The following SGPL1 variants were observed in gnomAD, a reference collection of about 807,000 sequenced individuals.
SGPL1 encodes the protein sphingosine-1-phosphate lyase 1, also known as SP-lyase 1.
In SGPL1, 37 loss-of-function variants were observed where a neutral mutation model predicts 68.9. That is an observed-to-expected ratio of 0.54 (90% confidence interval 0.41 to 0.71). The LOEUF (loss-of-function observed/expected upper bound fraction) is 0.71, where lower values mean the gene tolerates loss of function less well. Among genes scored for constraint, SGPL1 ranks in the 30% least tolerant of loss-of-function variants. The probability of loss-of-function intolerance (pLI) is 0.00; values close to 1 mark genes in which losing one functional copy is unlikely to be tolerated. For synonymous variants in SGPL1, 236 were observed against 248.5 expected (o/e 0.95, Z 0.47); for missense variants, 551 against 704.6 (o/e 0.78, Z 2.47).
intron 2 of SGPL1, among the ~76,000 whole-genome samples, chr10:70,823,462 AT>A (rs35434579): frequency 4.0e-5 from 6 of 151,172 alleles, no homozygotes; most frequent in Non-Finnish European, 8.9e-5. Flanking sequence ...GACAAACACT[AT>A]TTTGTTGAAA....
At chr10:70,836,898 C>T (rs1195974611) in intron 2 of SGPL1, among the ~76,000 whole-genome samples, 1 of 151,904 alleles carries the variant, frequency 6.6e-6, no homozygotes, top group Non-Finnish European at 1.5e-5. Context: ...ATGGCCTGTA[C>T]ATTCTTAATC....
At position 70,871,908 on chromosome 10, in the gene SGPL1, G is replaced by A; in HGVS notation, c.981G>A (p.Glu327=). Residue 327 remains glutamate, a synonymous_variant, in exon 11 of 15, where the codon GAG becomes GAA. Coordinates refer to ENST00000373202, the MANE Select transcript of SGPL1 (RefSeq NM_003901.4). The part of the protein sequence containing the change: ...CLGGFLIVFM[E]KAGYPLEHPF... The stretch of plus-strand genomic sequence containing the variant: ...GAGGCTTCCTCATCGTCTTTATGGA[G>A]AAAGCAGGATACCCACTGGAGCACC... 1.9e-6 allele frequency: 3 copies of A among 1,614,128 alleles called. No individual in the cohort carries two copies. In the South Asian group the frequency reaches 3.3e-5, roughly 18 times the overall value.
chr10:70,860,594 G>A, intron 7 of SGPL1: 1 of 379,626 alleles, frequency 2.6e-6, no homozygotes, highest in Admixed American at 3.8e-5. Context: ...TCAGAGGGAA[G>A]ATGATAATGT....
intron 2 of SGPL1, among the ~76,000 whole-genome samples, chr10:70,843,040 ACTATC>A (rs1341562152): frequency 1.3e-5 from 2 of 152,206 alleles, no homozygotes; most frequent in Non-Finnish European, 2.9e-5. Flanking sequence ...ATTTGCAGCT[ACTATC>A]CTCTCTTTCT....
At position 70,876,571 on chromosome 10, in the gene SGPL1, C is replaced by T. The variant is rs1439484914; in HGVS notation, c.1476C>T (p.Ala492=). The change falls in exon 14 of 15, where the codon GCC becomes GCT. Residue 492 remains alanine (A), a synonymous_variant. Transcript: ENST00000373202. The part of the protein sequence containing the change: ...SIHFCITLLH[A]RKRVAIQFLK... ...ATTTCTGCATCACATTACTACACGC[C>T]CGGAAACGAGTAGCTATACAATTCC... The T allele has an allele frequency of 2.5e-6, 4 of 1,612,410 alleles. No individual in the cohort carries two copies. The South Asian group carries it at 3.3e-5, about 13-fold the overall frequency.
intron 7 of SGPL1, among the ~76,000 whole-genome samples, chr10:70,864,054 G>A (rs915715634): frequency 1.1e-4 from 16 of 148,006 alleles, no homozygotes; most frequent in Non-Finnish European, 2.2e-4. Context: ...TTTATGTTAG[G>A]TTAGTGATAG....
chr10:70,861,038 T>TG (rs1846043401), intron 7 of SGPL1, among the ~76,000 whole-genome samples: 1 of 151,004 alleles, frequency 6.6e-6, no homozygotes, highest in Non-Finnish European at 1.5e-5. Context: ...TCTTTCCTTT[T>TG]TTTTTTTTTT....
At chr10:70,830,872 T>TGTTGAAGATTTTATTTTACTCC (rs1314729313) in intron 2 of SGPL1, among the ~76,000 whole-genome samples, 2 of 152,158 alleles carry the variant, frequency 1.3e-5, no homozygotes, top group Admixed American at 6.5e-5. Context: ...AATGAACATA[T>TGTTGAAGATTTTATTTTACTCC]GTTGAAGATT....
chr10:70,853,298 ATCT>A (rs1417440788), intron 4 of SGPL1, among the ~76,000 whole-genome samples: 3 of 152,072 alleles, frequency 2.0e-5, no homozygotes, highest in African/African-American at 7.2e-5. Context: ...ATCTAAGAAG[ATCT>A]TCTTGTATTC....
At chr10:70,875,624 G>A in intron 13 of SGPL1, 76 bp downstream of exon 13, 3 of 1,226,398 alleles carry the variant, frequency 2.4e-6, no homozygotes, top group Non-Finnish European at 3.5e-6. Context: ...GTAACCTGAA[G>A]TATAGAGTTT....
At chr10:70,873,191 A>G (rs1235842839) in intron 11 of SGPL1, among the ~76,000 whole-genome samples, 160 bp from the exon 12 acceptor site, 1 of 152,244 alleles carries the variant, frequency 6.6e-6, no homozygotes, top group African/African-American at 2.4e-5. Flanking sequence ...AGTTCCTACT[A>G]TCCTTTAGCA....
intron 14 of SGPL1, 108 bp from the exon 15 acceptor site, chr10:70,877,087 A>C: frequency 2.2e-5 from 22 of 987,880 alleles, no homozygotes; most frequent in Non-Finnish European, 3.5e-5. Flanking sequence ...GGGGTAGGGC[A>C]GTGCACATGC....
At chr10:70,862,507 T>G (rs1208489291) in intron 7 of SGPL1, among the ~76,000 whole-genome samples, 1 of 151,986 alleles carries the variant, frequency 6.6e-6, no homozygotes, top group African/African-American at 2.4e-5. Flanking sequence ...CACGCTCGGG[T>G]CCCCTTCCAC....
chr10:70,820,245 T>C (rs914822210), intron 2 of SGPL1: 4 of 152,174 alleles, frequency 2.6e-5, no homozygotes, highest in East Asian at 1.9e-4. Flanking sequence ...AAGTTTGACC[T>C]CAGTTGGTCT....
intron 2 of SGPL1, among the ~76,000 whole-genome samples, chr10:70,818,749 C>T (rs1845284111): frequency 6.6e-6 from 1 of 152,138 alleles, no homozygotes. Flanking sequence ...ATGAAAAGTT[C>T]ATCTAAAATA....
intron 14 of SGPL1, 68 bp from the exon 15 acceptor site, chr10:70,877,127 T>A: frequency 6.6e-7 from 1 of 1,517,236 alleles, no homozygotes; most frequent in South Asian, 1.1e-5. Flanking sequence ...AAGGGGCTCA[T>A]TGCTGCAGTT....
chr10:70,839,268 A>G (rs755672250), intron 2 of SGPL1, among the ~76,000 whole-genome samples: 1 of 151,388 alleles, frequency 6.6e-6, no homozygotes, highest in East Asian at 1.9e-4. Flanking sequence ...GAATATTCCT[A>G]CTACTAAGGT....
chr10:70,843,775 T>C (rs551353787), intron 2 of SGPL1, among the ~76,000 whole-genome samples: 1 of 152,356 alleles, frequency 6.6e-6, no homozygotes, highest in East Asian at 1.9e-4. Context: ...AATTGTGGCC[T>C]GCAAGCCAAA....
At chr10:70,828,724 G>T (rs918457485) in intron 2 of SGPL1, among the ~76,000 whole-genome samples, 5 of 152,326 alleles carry the variant, frequency 3.3e-5, no homozygotes, top group Admixed American at 2.6e-4. Flanking sequence ...GAATGCTTTA[G>T]ATTCTAAGTG....
Sources: allele counts gnomAD v4.1 joint callset (sites outside exome capture counted in the v4.1 genomes callset), GRCh38; gene constraint gnomAD v4.1.1; transcripts MANE v1.5; gene names NCBI Gene and HGNC (gene_info 2026-07-23, HGNC 2026-07-21).